TYMP: variants seen among roughly 807,000 people sequenced by gnomAD.
TYMP encodes the protein thymidine phosphorylase, also known as gliostatin.
In TYMP, 46 loss-of-function variants were observed where a neutral mutation model predicts 42.3. That is an observed-to-expected ratio of 1.09 (90% confidence interval 0.86 to 1.39). TYMP has a LOEUF of 1.39. Ranked by LOEUF, TYMP falls within the 40% of genes most tolerant of loss-of-function variation. The probability of loss-of-function intolerance (pLI) is 0.00; values close to 1 mark genes in which losing one functional copy is unlikely to be tolerated. For missense variants in TYMP, 837 were observed against 677.6 expected, an observed-to-expected ratio of 1.24 and a Z score of -2.61; for synonymous variants, 363 against 308.0, an observed-to-expected ratio of 1.18 and a Z score of -1.87.
At chr22:50,528,067 A>T in intron 4 of TYMP, 4 of 399,112 alleles carry the variant, frequency 1.0e-5, no homozygotes, top group South Asian at 8.8e-5. Flanking sequence ...GCTGGAGTGC[A>T]GTGGCATCGT....
chr22:50,526,243 C>A lies in TYMP; in HGVS notation c.1159+3G>T. ...GAAGGACGGGGACTCCCCCGACGCT[C>A]ACCATCTGCGGGCGCCAGCAGCTCC... On this transcript the variant is annotated splice_donor_region_variant and intron_variant, in intron 8 of 9. Transcript: ENST00000252029. 1 of 1,540,326 alleles carries A rather than the reference C, an allele frequency of 6.5e-7. No homozygotes were observed. Among genetic ancestry groups the A allele is most frequent in the East Asian group, 2.5e-5 (1 of 39,722 alleles).
intron 4 of TYMP, 28 bp downstream of exon 4, chr22:50,528,484 T>C (rs1186500366): frequency 1.3e-6 from 2 of 1,591,106 alleles, no homozygotes; most frequent in African/African-American, 2.7e-5. Flanking sequence ...TCAACCTGGA[T>C]TAATGACTGA....
Position 50,526,043 on chromosome 22 carries a change from C to T in TYMP, c.1258G>A (p.Gly420Ser). The T allele has an allele frequency of 6.8e-7, 1 of 1,479,644 alleles. No individual in the cohort carries two copies. The highest frequency in any genetic ancestry group is 8.9e-7 in the Non-Finnish European group (1 of 1,122,736). 91.7% of individuals were successfully genotyped at this position (1,479,644 alleles called of 1,614,324 possible). Residue 420 changes from glycine to serine, a missense_variant, in exon 9 of 10, where the codon GGC becomes AGC. Physicochemically the swap from Gly to Ser is moderately conservative, Grantham distance 56. Coordinates refer to ENST00000252029, the MANE Select transcript of TYMP (RefSeq NM_001953.5). ...RAGEPLRLGV[G>S]AELLVDVGQR... ...CCCACGTCGACCAGCAGCTCTGCGC[C>T]CACCCCCAGGCGGAGCGGCTCCCCA...
intron 5 of TYMP, 30 bp downstream of exon 5, chr22:50,527,558 A>C: frequency 6.2e-7 from 1 of 1,613,918 alleles, no homozygotes. Flanking sequence ...GCCTGTGAAC[A>C]TGCAGAAGCA....
Position 50,526,292 on chromosome 22 carries a change from C to T in TYMP, c.1113G>A (p.Leu371=), listed in dbSNP as rs779449480. 6 of 1,553,120 alleles carry T rather than the reference C, an allele frequency of 3.9e-6. No homozygotes were observed. The highest frequency in any genetic ancestry group is 1.4e-5 in the African/African-American group (1 of 71,066). ...CSGSPAERRQ[L]LPRAREQEEL... ...CCTCCTGCTCCCGGGCGCGAGGCAG[C>T]AGCTGCCGGCGTTCTGCGGGACTTC... The change falls in exon 8 of 10, where the codon CTG becomes CTA. Residue 371 remains leucine (L), a synonymous_variant. Transcript: ENST00000252029.
At chr22:50,526,199 GA>G in intron 8 of TYMP, 46 bp downstream of exon 8, 1 of 1,486,990 alleles carries the variant, frequency 6.7e-7, no homozygotes, top group Non-Finnish European at 8.9e-7. Flanking sequence ...CTCGGGAAGG[GA>G]AGGGGATGGC....
In TYMP at chr22:50,526,142, C is replaced by T. The variant is rs797044455; in HGVS notation, c.1160-1G>A. 23 of 1,485,144 alleles carry T rather than the reference C, an allele frequency of 1.5e-5. No individual in the cohort carries two copies. Among genetic ancestry groups the T allele is most frequent in the Non-Finnish European group, 2.0e-5 (23 of 1,124,944 alleles). The allele number at this position is 1,485,144 out of a possible 1,614,324, so 92.0% of individuals were successfully genotyped here. A position where few individuals can be genotyped will look rare whatever the true frequency, so the allele number is the denominator to read the frequency against. Reference sequence around the variant, plus strand: ...AGCGCCCGGACCAGCTCCACGGTGCCTGCGGGGAGAGGGGCTGAGAGGCGC... The same window carrying T: ...AGCGCCCGGACCAGCTCCACGGTGCTTGCGGGGAGAGGGGCTGAGAGGCGC... On this transcript the variant is annotated splice_acceptor_variant, in intron 8 of 9. Coordinates refer to ENST00000252029, the MANE Select transcript of TYMP (RefSeq NM_001953.5). LOFTEE classifies it high-confidence loss of function.
intron 1 of TYMP, 53 bp from the exon 2 acceptor site, chr22:50,529,772 T>C: frequency 6.7e-7 from 1 of 1,487,614 alleles, no homozygotes; most frequent in South Asian, 1.2e-5. Flanking sequence ...CGTCGGTGTC[T>C]GAGCCACGTG....
rs2069346452 is a variant in TYMP, at chr22:50,526,008, C to T, written c.1293G>A (p.Leu431=). ...GGCGGGGGCGGCGCTCACCACGGCG[C>T]AGCCTCTGACCCACGTCGACCAGCA... ...AELLVDVGQR[L]RRGTPWLRVH... The change falls in exon 9 of 10, where the codon CTG becomes CTA. Residue 431 remains leucine (L), a synonymous_variant. Transcript: ENST00000252029. 1.4e-6 allele frequency: 2 copies of T among 1,449,132 alleles called. No individual in the cohort carries two copies. Among genetic ancestry groups the T allele is most frequent in the South Asian group, 1.4e-5 (1 of 74,056 alleles). 89.8% of individuals were successfully genotyped at this position (1,449,132 alleles called of 1,614,324 possible).
Position 50,526,452 on chromosome 22 carries a change from C to T in TYMP, c.953G>A (p.Gly318Glu). The change falls in exon 8 of 10, where the codon GGA becomes GAA. Residue 318 changes from glycine to glutamate, a missense_variant. By Grantham distance (98) the Gly-to-Glu change is moderately conservative. Transcript: ENST00000252029. ...GCCCTGGGCCTGAGTCCCCGCGTGT[C>T]CGCTGAGCCAGAGCAGGGCGCCCCC... ...TLGGALLWLS[G>E]HAGTQAQGAA... is the part of the protein sequence containing the mutation. 1 of 1,494,354 alleles carries T rather than the reference C, an allele frequency of 6.7e-7. No individual in the cohort carries two copies. The highest frequency in any genetic ancestry group is 8.8e-7 in the Non-Finnish European group (1 of 1,131,066). 92.6% of individuals were successfully genotyped at this position (1,494,354 alleles called of 1,614,324 possible). A position where few individuals can be genotyped will look rare whatever the true frequency, so the allele number is the denominator to read the frequency against.
At position 50,527,278 on chromosome 22, in the gene TYMP, T is replaced by C; in HGVS notation, c.652A>G (p.Ile218Val). Reference protein sequence around the residue: ...VDSLPLITASILSKKLVEGLS... With the variant: ...VDSLPLITASVLSKKLVEGLS... The stretch of plus-strand genomic sequence containing the variant: ...CCCTCCACGAGTTTCTTACTGAGAA[T>C]GGAGGCTTTGGGGGAGGCAGAGGAG... Residue 218 changes from isoleucine to valine, a missense_variant, in exon 6 of 10, where the codon ATT (isoleucine) becomes GTT (valine). Coordinates refer to ENST00000252029, the MANE Select transcript of TYMP (RefSeq NM_001953.5). 1.2e-6 allele frequency: 2 copies of C among 1,612,162 alleles called. No individual in the cohort carries two copies. Among genetic ancestry groups the C allele is most frequent in the Non-Finnish European group, 1.7e-6 (2 of 1,178,680 alleles).
At position 50,529,345 on chromosome 22, in the gene TYMP, T is replaced by A. The variant is rs755725878; in HGVS notation, c.215-7A>T. The A allele has an allele frequency of 6.2e-7, 1 of 1,613,042 alleles. No homozygotes were observed. The highest frequency in any genetic ancestry group is 1.1e-5 in the South Asian group (1 of 91,070). On this transcript the variant is annotated splice_polypyrimidine_tract_variant and splice_region_variant and intron_variant, in intron 2 of 9. Coordinates refer to ENST00000252029, the MANE Select transcript of TYMP (RefSeq NM_001953.5). ...ATGGCCATCAGCATGGCCCCTGGTA[T>A]GTGGGGGTACGCGTGAGGGTGGCAG... is the stretch of plus-strand genomic sequence containing the variant.
intron 4 of TYMP, 112 bp from the exon 5 acceptor site, chr22:50,527,829 C>G: frequency 7.1e-7 from 1 of 1,407,194 alleles, no homozygotes; most frequent in East Asian, 2.4e-5. Flanking sequence ...GGCTGGAGTG[C>G]AGTTGGCACA....
intron 5 of TYMP, 75 bp from the exon 6 acceptor site, chr22:50,527,358 T>C (rs2069428926): frequency 7.2e-7 from 1 of 1,382,828 alleles, no homozygotes; most frequent in Non-Finnish European, 1.0e-6. Flanking sequence ...GATGCCGACT[T>C]TGGGGTCAGG....
intron 4 of TYMP, 54 bp from the exon 5 acceptor site, chr22:50,527,771 T>C: frequency 6.8e-6 from 1 of 147,740 alleles, no homozygotes; most frequent in Non-Finnish European, 9.8e-6. Flanking sequence ...TTAGCAGCTT[T>C]TTTTTTTTTT....
chr22:50,529,160 A>T lies in TYMP; in HGVS notation c.393T>A (p.Pro131=). The T allele has an allele frequency of 2.5e-6, 4 of 1,613,252 alleles. No homozygotes were observed. The highest frequency in any genetic ancestry group is 3.4e-6 in the Non-Finnish European group (4 of 1,180,012). Residue 131 remains proline (P), a synonymous_variant, in exon 3 of 10, where the codon CCT becomes CCA. Transcript: ENST00000252029. Reference sequence around the variant, plus strand: ...CCTTGCAGCCACATGCCGCCAGGGCAGGTGCGAGGACCAGGCTGACCTTGT... The same window carrying T: ...CCTTGCAGCCACATGCCGCCAGGGCTGGTGCGAGGACCAGGCTGACCTTGT... ...VGDKVSLVLA[P]ALAACGCKVP... is the part of the protein sequence containing the mutation.
chr22:50,527,395 C>T (rs538228156), intron 5 of TYMP, 112 bp from the exon 6 acceptor site: 2 of 1,246,948 alleles, frequency 1.6e-6, no homozygotes, highest in South Asian at 2.4e-5. Flanking sequence ...GGTCAAGTCC[C>T]TTATTATGGG....
rs2069348115 is a variant in TYMP, at chr22:50,526,026, G to T, written c.1275C>A (p.Val425=). The T allele has an allele frequency of 6.8e-7, 1 of 1,473,384 alleles. No homozygotes were observed. The highest frequency in any genetic ancestry group is 8.9e-7 in the Non-Finnish European group (1 of 1,119,336). 91.3% of individuals were successfully genotyped at this position (1,473,384 alleles called of 1,614,324 possible). A position where few individuals can be genotyped will look rare whatever the true frequency, so the allele number is the denominator to read the frequency against. Residue 425 remains valine, a synonymous_variant, in exon 9 of 10, where the codon GTC becomes GTA. Transcript: ENST00000252029. ...CACGGCGCAGCCTCTGACCCACGTC[G>T]ACCAGCAGCTCTGCGCCCACCCCCA... ...LRLGVGAELL[V]DVGQRLRRGT... is the part of the protein sequence containing the mutation.
rs779264989 is a variant in TYMP at position 50,529,297 on chromosome 22, C to T, written c.256G>A (p.Glu86Lys). The T allele has an allele frequency of 1.2e-6, 2 of 1,613,420 alleles. No individual in the cohort carries two copies. The highest frequency in any genetic ancestry group is 1.7e-5 in the Admixed American group (1 of 60,022). Reference protein sequence around the residue: ...MAIRLRGMDLEETSVLTQALA... With the variant: ...MAIRLRGMDLKETSVLTQALA... ...GCCTGGGTCAGCACCGAGGTCTCCT[C>T]CAGATCCATGCCCCGAAGTCGGATG... Residue 86 changes from glutamate (E) to lysine (K), a missense_variant, in exon 3 of 10, where the codon GAG becomes AAG. Glu to Lys is a moderately conservative substitution (Grantham distance 56). Transcript: ENST00000252029.
Sources: allele counts gnomAD v4.1 joint callset, GRCh38; gene constraint gnomAD v4.1.1; transcripts MANE v1.5; gene names NCBI Gene and HGNC (gene_info 2026-07-23, HGNC 2026-07-21).